The following KIF11 variants were observed in gnomAD, a reference collection of about 807,000 sequenced individuals.
KIF11 encodes the protein kinesin family member 11, also known as kinesin-like protein KIF11.
A neutral mutation model predicts 121.0 loss-of-function variants in KIF11; 9 were observed. The ratio of observed to expected loss-of-function variants is 0.07; its 90% CI spans 0.04 to 0.13. The LOEUF (loss-of-function observed/expected upper bound fraction) is 0.13, where lower values mean the gene tolerates loss of function less well. KIF11 is among the 10% of genes least tolerant of loss of function. KIF11 has a pLI of 1.00. For missense variants in KIF11, 846 were observed against 1,217.5 expected, an observed-to-expected ratio of 0.69 and a Z score of 4.54; for synonymous variants, 408 against 421.0, an observed-to-expected ratio of 0.97 and a Z score of 0.38.
chr10:92,603,265 T>TTC (rs1844394147), intron 1 of KIF11, among the ~76,000 whole-genome samples: 1 of 110,008 alleles, frequency 9.1e-6, no homozygotes. Flanking sequence ...TTTCTTTTCT[T>TTC]TTTTTTTTTT....
chr10:92,641,623 T>C (rs1844866858), intron 17 of KIF11, among the ~76,000 whole-genome samples: 1 of 152,226 alleles, frequency 6.6e-6, no homozygotes, highest in Admixed American at 6.5e-5. Context: ...TGTCTACTTA[T>C]ATTTCGTTGA....
intron 17 of KIF11, among the ~76,000 whole-genome samples, chr10:92,640,234 C>T: frequency 6.6e-6 from 1 of 152,148 alleles, no homozygotes; most frequent in East Asian, 1.9e-4. Context: ...GTTTGGCAAA[C>T]TGTGGCTAGC....
rs1451966215 is a variant in KIF11 at position 92,609,397 on chromosome 10, A to G, written c.586A>G (p.Ile196Val). The change falls in exon 6 of 22, where the codon ATT becomes GTT. Residue 196 changes from isoleucine (I) to valine (V), a missense_variant. By Grantham distance (29) the Ile-to-Val change is conservative (BLOSUM62 3). Transcript: ENST00000260731. The part of the protein sequence containing the change: ...DDPRNKRGVI[I>V]KGLEEITVHN... ...GTATTTTGGTCAGAGAGGAGTGATA[A>G]TTAAAGGTTTAGAAGAAATTACAGT... is the stretch of plus-strand genomic sequence containing the variant. 6.2e-7 allele frequency: 1 copy of G among 1,611,410 alleles called. No homozygotes were observed. The highest frequency in any genetic ancestry group is 8.5e-7 in the Non-Finnish European group (1 of 1,179,552).
intron 8 of KIF11, among the ~76,000 whole-genome samples, chr10:92,616,528 G>T (rs1419974941): frequency 2.6e-5 from 4 of 152,038 alleles, no homozygotes; most frequent in African/African-American, 9.7e-5. Flanking sequence ...TATCCTAAGG[G>T]TCGAGACTCT....
intron 10 of KIF11, among the ~76,000 whole-genome samples, chr10:92,622,602 C>G (rs147843757): frequency 6.6e-6 from 1 of 151,290 alleles, no homozygotes; most frequent in Non-Finnish European, 1.5e-5. Context: ...GGAACAAGAG[C>G]GAGACTTCAT....
chr10:92,597,977 G>GT (rs1844319790), intron 1 of KIF11, among the ~76,000 whole-genome samples: 1 of 151,742 alleles, frequency 6.6e-6, no homozygotes, highest in Non-Finnish European at 1.5e-5. Flanking sequence ...TTTAAATATA[G>GT]TATCTTGCTT....
At chr10:92,602,677 T>G (rs1844384052) in intron 1 of KIF11, among the ~76,000 whole-genome samples, 1 of 152,074 alleles carries the variant, frequency 6.6e-6, no homozygotes, top group South Asian at 2.1e-4. Flanking sequence ...TAAGCATTCA[T>G]AGCTATAAAT....
In KIF11 at chr10:92,621,336, T is replaced by C. The variant is rs78836697; in HGVS notation, c.1129-49T>C. 0.023 allele frequency: 25,419 copies of C among 1,128,540 alleles called. 353 individuals carry two copies. Among genetic ancestry groups the C allele is most frequent in the Admixed American group, 0.055 (2,729 of 49,392 alleles). 69.9% of individuals were successfully genotyped at this position (1,128,540 alleles called of 1,614,324 possible). On this transcript the variant is annotated intron_variant, in intron 9 of 21. Transcript: ENST00000260731. The stretch of plus-strand genomic sequence containing the variant: ...TATTTGTTGCATGTCCTTCCCAAAC[T>C]GAATGAAAAAAGTACTAAACTGACA...
At chr10:92,615,367 T>C (rs1377116644) in intron 8 of KIF11, among the ~76,000 whole-genome samples, 1 of 151,836 alleles carries the variant, frequency 6.6e-6, no homozygotes, top group Non-Finnish European at 1.5e-5. Context: ...GATTGCGCCA[T>C]TGCACTCAAG....
chr10:92,598,753 C>T (rs1844330878), intron 1 of KIF11, among the ~76,000 whole-genome samples: 2 of 152,020 alleles, frequency 1.3e-5, no homozygotes, highest in African/African-American at 4.8e-5. Flanking sequence ...ATTTATGCCC[C>T]TTAATTTCTG....
chr10:92,593,457 G>C lies in KIF11; in HGVS notation c.77+5G>C, dbSNP rs200188195. 4.8e-4 allele frequency: 772 copies of C among 1,607,724 alleles called. 1 individual carries two copies. Among genetic ancestry groups the C allele is most frequent in the Middle Eastern group, 4.0e-3 (24 of 6,038 alleles). ...CCAGGTGGTGGTGAGATGCAGGTAG[G>C]GAGAGGGCTGACAGGATTCCGAGCG... On this transcript the variant is annotated splice_donor_5th_base_variant and intron_variant, in intron 1 of 21. Coordinates refer to ENST00000260731, the MANE Select transcript of KIF11 (RefSeq NM_004523.4).
chr10:92,608,726 C>T (rs1251278616), intron 4 of KIF11, among the ~76,000 whole-genome samples: 3 of 152,108 alleles, frequency 2.0e-5, no homozygotes, highest in African/African-American at 4.8e-5. Context: ...CGTGAGCCAC[C>T]GTGCCTGGCC....
At chr10:92,597,891 T>G (rs533830203) in intron 1 of KIF11, among the ~76,000 whole-genome samples, 1 of 152,272 alleles carries the variant, frequency 6.6e-6, no homozygotes, top group Non-Finnish European at 1.5e-5. Context: ...TCTCAGGTGA[T>G]CCGTCCACCC....
intron 19 of KIF11, among the ~76,000 whole-genome samples, 193 bp from the exon 20 acceptor site, chr10:92,649,642 A>G (rs779064663): frequency 6.6e-6 from 1 of 152,214 alleles, no homozygotes; most frequent in African/African-American, 2.4e-5. Context: ...TGAAAACAGT[A>G]AAGTCTGTCA....
chr10:92,612,082 TA>T (rs142891201), intron 6 of KIF11, among the ~76,000 whole-genome samples: 22,652 of 151,916 alleles, frequency 0.15, 3,598 homozygotes, highest in African/African-American at 0.4. Flanking sequence ...CCCCCTAAGA[TA>T]AAAAGCACAG....
intron 1 of KIF11, among the ~76,000 whole-genome samples, chr10:92,600,632 C>G (rs770009665): frequency 6.6e-6 from 1 of 151,964 alleles, no homozygotes; most frequent in South Asian, 2.1e-4. Context: ...CTCAGCCTCC[C>G]GAGTAGCTGG....
chr10:92,613,030 T>G lies in KIF11; in HGVS notation c.699-10T>G. ...TTATAATGACTGGGCAACTTGATAT[T>G]GTTTTCTAGTCGTTCCCACTCAGTT... On this transcript the variant is annotated splice_polypyrimidine_tract_variant and intron_variant, in intron 6 of 21. Transcript: ENST00000260731. This position sits in a 1 kb window ranked among gnomAD's most constrained non-coding sequence, Gnocchi z 4.2. 6.6e-7 allele frequency: 1 copy of G among 1,525,406 alleles called. No homozygotes were observed. The highest frequency in any genetic ancestry group is 9.0e-7 in the Non-Finnish European group (1 of 1,106,130). The allele number at this position is 1,525,406 out of a possible 1,614,324, so 94.5% of individuals were successfully genotyped here. A position where few individuals can be genotyped will look rare whatever the true frequency, so the allele number is the denominator to read the frequency against.
rs1372794402 is a variant in KIF11 at position 92,609,303 on chromosome 10, A to AGAGAGTGTGTGTGT, written c.574-81_574-80insAGAGTGTGTGTGTG. ...GAGAGAGAGAGAGAGAGAGAGAGAG[A>AGAGAGTGTGTGTGT]GTGTGTGTGTGTGTGTGTGTGTGTG... On this transcript the variant is annotated intron_variant, in intron 5 of 21. Coordinates refer to ENST00000260731, the MANE Select transcript of KIF11 (RefSeq NM_004523.4). 3.4e-5 allele frequency: 13 copies of AGAGAGTGTGTGTGT among 382,624 alleles called. No homozygotes were observed. The African/African-American group carries it at 3.5e-4, about 10-fold the overall frequency. The allele number at this position is 382,624 out of a possible 1,614,324, so 23.7% of individuals were successfully genotyped here.
rs181782194 is a variant in KIF11, at chr10:92,634,128, C to T, written c.1875+333C>T. Among the ~76,000 whole-genome samples the T allele has an allele frequency of 9.2e-3, 1,405 of 151,982 alleles. 23 individuals are homozygous for T. Among genetic ancestry groups the T allele is most frequent in the Non-Finnish European group, 0.01 (682 of 67,964 alleles). On this transcript the variant is annotated intron_variant, in intron 14 of 21. Transcript: ENST00000260731. Reference sequence around the variant, plus strand: ...CCTCCCGAGTAGCTGGGACTACAGGCGCCCACCACCACACCCGGCTAATTT... The same window carrying T: ...CCTCCCGAGTAGCTGGGACTACAGGTGCCCACCACCACACCCGGCTAATTT...
Sources: gnomAD v4.1 joint callset for allele counts (sites outside exome capture counted in the v4.1 genomes callset) on GRCh38, gnomAD v4.1.1 for gene constraint, Gnocchi (gnomAD v3.1) non-coding constraint, MANE v1.5 for transcripts, NCBI Gene and HGNC (gene_info 2026-07-23, HGNC 2026-07-21) for gene names.